The following COL21A1 variants were observed in gnomAD, a reference collection of about 807,000 sequenced individuals.
The protein encoded by COL21A1 is collagen alpha-1(XXI) chain.
Under a neutral mutation model 137.9 loss-of-function variants are expected in COL21A1, and 149 were observed. The ratio of observed to expected loss-of-function variants is 1.08; its 90% CI spans 0.95 to 1.24. The LOEUF (loss-of-function observed/expected upper bound fraction) is 1.24, where lower values mean the gene tolerates loss of function less well. Among genes scored for constraint, COL21A1 ranks in the 50% most tolerant of loss-of-function variants. COL21A1 has a pLI of 0.00. For synonymous variants in COL21A1, 456 were observed against 391.5 expected, an observed-to-expected ratio of 1.16 and a Z score of -1.95; for missense variants, 1,167 against 1,158.4, an observed-to-expected ratio of 1.01 and a Z score of -0.11.
At chr6:56,117,938 G>C (rs531428216) in intron 16 of COL21A1, among the ~76,000 whole-genome samples, 7 of 151,856 alleles carry the variant, frequency 4.6e-5, no homozygotes, top group Admixed American at 2.0e-4. Flanking sequence ...AAAAACAGTA[G>C]TAAGATGGAA....
chr6:56,067,439 A>C (rs751162757), intron 22 of COL21A1, 109 bp from the exon 23 acceptor site: 66 of 906,586 alleles, frequency 7.3e-5, no homozygotes, highest in Admixed American at 1.8e-4. Flanking sequence ...TGCAAACTCC[A>C]CAAGTGCCTG....
At chr6:56,376,133 C>G (rs2093998812) in intron 1 of COL21A1, among the ~76,000 whole-genome samples, 1 of 152,244 alleles carries the variant, frequency 6.6e-6, no homozygotes, top group African/African-American at 2.4e-5. Flanking sequence ...GTGATGTCAC[C>G]CAAGCCACAG....
At chr6:56,291,002 G>A (rs1764028164) in intron 1 of COL21A1, among the ~76,000 whole-genome samples, 1 of 151,984 alleles carries the variant, frequency 6.6e-6, no homozygotes, top group South Asian at 2.1e-4. Context: ...GTGATCCATG[G>A]ACCAGCGACT....
rs780891873 is a variant in COL21A1 at position 56,179,610 on chromosome 6, A to C, written c.608T>G (p.Ile203Arg). The C allele has an allele frequency of 6.2e-7, 1 of 1,612,528 alleles. No individual in the cohort carries two copies. The highest frequency in any genetic ancestry group is 8.5e-7 in the Non-Finnish European group (1 of 1,178,938). Residue 203 changes from isoleucine to arginine, a missense_variant, in exon 3 of 30, where the codon ATA becomes AGA. Physicochemically the swap from Ile to Arg is moderately conservative, Grantham distance 97. Coordinates refer to ENST00000244728, the MANE Select transcript of COL21A1 (RefSeq NM_030820.4). ...YVEDYIAISK[I>R]REVMKQKLCE... ...AAGTTTCTGCTTCATCACTTCCCTT[A>C]TTTTGGATATTGCAATATAGTCTTC...
chr6:56,369,354 T>C (rs983233284), intron 1 of COL21A1, among the ~76,000 whole-genome samples: 4 of 151,224 alleles, frequency 2.6e-5, no homozygotes, highest in Non-Finnish European at 4.4e-5. Context: ...GCAGGACCCA[T>C]CAAAAACCAT....
At chr6:56,198,718 T>C (rs985353788) in intron 1 of COL21A1, among the ~76,000 whole-genome samples, 2 of 152,096 alleles carry the variant, frequency 1.3e-5, no homozygotes, top group Non-Finnish European at 2.9e-5. Context: ...CATTTGGAAA[T>C]ACTATATCAT....
intron 17 of COL21A1, among the ~76,000 whole-genome samples, chr6:56,099,224 ATTTTTTTTTTTTTTT>A (rs765498868): frequency 8.9e-6 from 1 of 111,998 alleles, no homozygotes; most frequent in Non-Finnish European, 1.8e-5. Flanking sequence ...CACAAACTAA[ATTTTTTTTTTTTTTT>A]TTTTTTTTTT....
At chr6:56,176,512 A>T (rs1461932966) in intron 3 of COL21A1, among the ~76,000 whole-genome samples, 1 of 151,990 alleles carries the variant, frequency 6.6e-6, no homozygotes, top group South Asian at 2.1e-4. Context: ...TATATGAAAA[A>T]TGTCCAACAT....
At chr6:56,330,994 T>C (rs1286838400) in intron 1 of COL21A1, among the ~76,000 whole-genome samples, 1 of 152,140 alleles carries the variant, frequency 6.6e-6, no homozygotes, top group Non-Finnish European at 1.5e-5. Context: ...CCATTCTGAA[T>C]TGTGTAGGAT....
At chr6:56,312,105 G>A (rs370186364) in intron 1 of COL21A1, among the ~76,000 whole-genome samples, 3 of 152,188 alleles carry the variant, frequency 2.0e-5, no homozygotes, top group Non-Finnish European at 4.4e-5. Context: ...GGAAGGAAAG[G>A]CAGTGACTAG....
At position 56,079,544 on chromosome 6, in the gene COL21A1, A is replaced by C. The variant is rs563071272; in HGVS notation, c.1813-1971T>G. 2.0e-5 allele frequency among the ~76,000 whole-genome samples: 3 copies of C among 151,500 alleles called. No individual in the cohort carries two copies. In the South Asian group the frequency reaches 6.2e-4, roughly 32 times the overall value. Reference sequence around the variant, plus strand: ...AGCACCTTGGCTTCCACCTCCTCAAAGCCCTTGAGAGCCCATTTCCCCACA... The same window carrying C: ...AGCACCTTGGCTTCCACCTCCTCAACGCCCTTGAGAGCCCATTTCCCCACA... On this transcript the variant is annotated intron_variant, in intron 17 of 29. Coordinates refer to ENST00000244728, the MANE Select transcript of COL21A1 (RefSeq NM_030820.4).
intron 1 of COL21A1, among the ~76,000 whole-genome samples, chr6:56,286,261 G>T (rs934270778): frequency 1.3e-5 from 2 of 152,102 alleles, no homozygotes; most frequent in Non-Finnish European, 2.9e-5. Flanking sequence ...TGAGCACTGC[G>T]CTATCACTGT....
At chr6:56,118,842 A>G (rs1772182733) in intron 16 of COL21A1, among the ~76,000 whole-genome samples, 1 of 152,164 alleles carries the variant, frequency 6.6e-6, no homozygotes, top group Non-Finnish European at 1.5e-5. Context: ...GATCATTTCA[A>G]TTGATGCTGA....
chr6:56,121,861 A>C (rs1210236877), intron 16 of COL21A1, among the ~76,000 whole-genome samples: 1 of 151,962 alleles, frequency 6.6e-6, no homozygotes, highest in Non-Finnish European at 1.5e-5. Flanking sequence ...TTTTCAATTC[A>C]TGAATGTTTC....
intron 1 of COL21A1, among the ~76,000 whole-genome samples, chr6:56,322,480 A>AGG (rs1764892395): frequency 6.6e-6 from 1 of 152,172 alleles, no homozygotes; most frequent in African/African-American, 2.4e-5. Flanking sequence ...CCCAAAGCAC[A>AGG]GATTTTTATG....
intron 12 of COL21A1, among the ~76,000 whole-genome samples, chr6:56,129,671 CGTGCGT>C (rs1773342519): frequency 1.2e-5 from 1 of 85,674 alleles, no homozygotes; most frequent in Non-Finnish European, 2.2e-5. Flanking sequence ...CTGTCACGTG[CGTGCGT>C]GTGTGTGTGT....
At chr6:56,199,874 G>A (rs73455351) in intron 1 of COL21A1, among the ~76,000 whole-genome samples, 1,708 of 152,230 alleles carry the variant, frequency 0.011, 32 homozygotes, top group African/African-American at 0.039. Flanking sequence ...AACTAAATAA[G>A]GAATCTGCTT....
chr6:56,242,380 T>C (rs1288263809), intron 1 of COL21A1, among the ~76,000 whole-genome samples: 2 of 152,168 alleles, frequency 1.3e-5, no homozygotes, highest in African/African-American at 4.8e-5. Flanking sequence ...AAGCTCAAAC[T>C]TCGCTAGAAC....
intron 4 of COL21A1, 21 bp downstream of exon 4, chr6:56,170,939 G>A: frequency 6.3e-7 from 1 of 1,592,470 alleles, no homozygotes; most frequent in Non-Finnish European, 8.5e-7. Flanking sequence ...CAAAAAAGTT[G>A]TGTCAACATA....
Sources: allele counts gnomAD v4.1 joint callset (sites outside exome capture counted in the v4.1 genomes callset), GRCh38; gene constraint gnomAD v4.1.1; transcripts MANE v1.5; gene names NCBI Gene and HGNC (gene_info 2026-07-23, HGNC 2026-07-21).